SLC35D1: variants seen among roughly 807,000 people sequenced by gnomAD.
SLC35D1 encodes solute carrier family 35 member D1.
Under a neutral mutation model 46.7 loss-of-function variants are expected in SLC35D1, and 31 were observed. That is an observed-to-expected ratio of 0.66 (90% CI 0.50 to 0.90). SLC35D1 has a LOEUF of 0.90. Among genes scored for constraint, SLC35D1 ranks in the 40% least tolerant of loss-of-function variants. SLC35D1 has a pLI of 0.00. For synonymous variants in SLC35D1, 195 were observed against 164.6 expected, an observed-to-expected ratio of 1.18 and a Z score of -1.41; for missense variants, 397 against 426.2, an observed-to-expected ratio of 0.93 and a Z score of 0.60.
Position 67,001,050 on chromosome 1 carries a change from TC to T in SLC35D1, c.*3289del, listed in dbSNP as rs957862319. On this transcript the variant is annotated 3_prime_UTR_variant, in exon 12 of 12. Transcript: ENST00000235345. The stretch of plus-strand genomic sequence containing the variant: ...CATATCTGGCTAAAGAATTACACAC[TC>T]CTTGAAAGCAAGAACCATGTCTTGT... 7.2e-5 allele frequency: 11 copies of T among 152,350 alleles called. No homozygotes were observed. The highest frequency in any genetic ancestry group is 7.2e-4 in the Admixed American group (11 of 15,294). The allele number at this position is 152,350 out of a possible 1,614,324, so 9.4% of individuals were successfully genotyped here.
chr1:67,052,725 T>C, intron 3 of SLC35D1, 46 bp downstream of exon 3: 1 of 1,595,116 alleles, frequency 6.3e-7, no homozygotes, highest in Non-Finnish European at 8.6e-7. Flanking sequence ...TGTTAATACA[T>C]ACTGACTTCA....
intron 8 of SLC35D1, among the ~76,000 whole-genome samples, chr1:67,038,155 G>A (rs1264795399): frequency 3.3e-5 from 5 of 152,098 alleles, no homozygotes; most frequent in African/African-American, 1.2e-4. Flanking sequence ...GAACACCAAG[G>A]CCCAGAAAAC....
the SLC35D1 span, among the ~76,000 whole-genome samples, chr1:66,978,816 T>C: frequency 6.6e-6 from 1 of 152,224 alleles, no homozygotes; most frequent in African/African-American, 2.4e-5. Context: ...TGGTCCTCTG[T>C]GATGTCAAGA....
intron 10 of SLC35D1, among the ~76,000 whole-genome samples, chr1:67,016,973 C>T (rs1477715275): frequency 2.0e-5 from 3 of 152,056 alleles, no homozygotes. Context: ...ACCAAGGGAC[C>T]TCGAGTTATT....
At position 67,042,318 on chromosome 1, in the gene SLC35D1, T is replaced by C. The variant is rs770879366; in HGVS notation, c.647A>G (p.Lys216Arg). The change falls in exon 8 of 12, where the codon AAA becomes AGA. Residue 216 changes from lysine (K) to arginine (R), a missense_variant. By Grantham distance (26) the Lys-to-Arg change is conservative. Coordinates refer to ENST00000235345, the MANE Select transcript of SLC35D1 (RefSeq NM_015139.3). ...KQKLDSKELG[K>R]YGLLYYNALF... Reference sequence around the variant, plus strand: ...TGCATTGTAATAGAGCAGTCCATATTTTCCCAGCTCCTAGGACAGTAAATA... The same window carrying C: ...TGCATTGTAATAGAGCAGTCCATATCTTCCCAGCTCCTAGGACAGTAAATA... The C allele has an allele frequency of 4.3e-6, 7 of 1,614,098 alleles. No homozygotes were observed. Among genetic ancestry groups the C allele is most frequent in the Middle Eastern group, 1.6e-4 (1 of 6,062 alleles).
intron 10 of SLC35D1, among the ~76,000 whole-genome samples, chr1:67,010,309 A>C (rs1570608616): frequency 6.6e-6 from 1 of 152,278 alleles, no homozygotes; most frequent in South Asian, 2.1e-4. Context: ...CACGTAACAA[A>C]CCTGCACATG....
At chr1:67,046,215 T>G (rs1212053339) in intron 7 of SLC35D1, among the ~76,000 whole-genome samples, 1 of 151,920 alleles carries the variant, frequency 6.6e-6, no homozygotes, top group Non-Finnish European at 1.5e-5. Flanking sequence ...GGATAGACAT[T>G]GAATCTACAC....
chr1:66,991,394 T>C, the SLC35D1 span, among the ~76,000 whole-genome samples: 1 of 152,224 alleles, frequency 6.6e-6, no homozygotes, highest in Non-Finnish European at 1.5e-5. Flanking sequence ...AGTTGCCCTC[T>C]GGGTTCCACA....
intron 11 of SLC35D1, among the ~76,000 whole-genome samples, chr1:67,005,564 C>T (rs12071769): frequency 1.8e-3 from 277 of 152,232 alleles, no homozygotes; most frequent in African/African-American, 5.5e-3. Flanking sequence ...CTGCACCTCA[C>T]GGCACTTAAG....
chr1:66,990,652 G>GA, the SLC35D1 span, among the ~76,000 whole-genome samples: 1 of 152,174 alleles, frequency 6.6e-6, no homozygotes, highest in East Asian at 1.9e-4. Flanking sequence ...TAGAACCTTT[G>GA]AAAACAATGA....
the SLC35D1 span, among the ~76,000 whole-genome samples, chr1:66,982,076 A>G: frequency 6.6e-6 from 1 of 152,244 alleles, no homozygotes; most frequent in Non-Finnish European, 1.5e-5. Flanking sequence ...CATATATACT[A>G]ACAGAATACA....
At chr1:66,985,693 T>C in the SLC35D1 span, 1 of 985,164 alleles carries the variant, frequency 1.0e-6, no homozygotes, top group Non-Finnish European at 1.2e-6. Flanking sequence ...ATTGTTATTC[T>C]GAGTCTGTCA....
intron 11 of SLC35D1, among the ~76,000 whole-genome samples, chr1:67,007,839 G>A (rs147395738): frequency 6.6e-6 from 1 of 152,202 alleles, no homozygotes; most frequent in Non-Finnish European, 1.5e-5. Context: ...TTCTAAATCA[G>A]GATCTTCTAC....
chr1:66,993,071 A>G, the SLC35D1 span, among the ~76,000 whole-genome samples: 1 of 152,240 alleles, frequency 6.6e-6, no homozygotes, highest in East Asian at 1.9e-4. Context: ...TGTGTGTTGT[A>G]GAATAGAAAA....
intron 8 of SLC35D1, chr1:67,032,157 T>A (rs1668029141): frequency 1.5e-5 from 14 of 915,482 alleles, no homozygotes; most frequent in Non-Finnish European, 1.8e-5. Context: ...TCCTTCTGTT[T>A]TGAATAAAGT....
downstream of SLC35D1, among the ~76,000 whole-genome samples, chr1:66,997,400 G>GGCTA (rs1667249289): frequency 6.6e-6 from 1 of 150,914 alleles, no homozygotes; most frequent in Non-Finnish European, 1.5e-5. Context: ...CTACTCAGGA[G>GGCTA]GCTAGGGTAG....
At chr1:67,040,930 C>T (rs544378762) in intron 8 of SLC35D1, among the ~76,000 whole-genome samples, 2 of 152,168 alleles carry the variant, frequency 1.3e-5, no homozygotes, top group Admixed American at 1.3e-4. Context: ...TTCTGCTAGT[C>T]GCTAGTCTGC....
chr1:67,007,206 G>A (rs1667468288), intron 11 of SLC35D1, among the ~76,000 whole-genome samples: 1 of 152,150 alleles, frequency 6.6e-6, no homozygotes, highest in South Asian at 2.1e-4. Flanking sequence ...ATAAATGGTG[G>A]CTTATAAACA....
chr1:66,986,151 CTT>C, the SLC35D1 span: 17 of 1,174,394 alleles, frequency 1.4e-5, no homozygotes, highest in East Asian at 4.3e-5. Flanking sequence ...AGTTTGAAAA[CTT>C]TTCAAACTTT....
Sources: allele counts gnomAD v4.1 joint callset (sites outside exome capture counted in the v4.1 genomes callset), GRCh38; gene constraint gnomAD v4.1.1; transcripts MANE v1.5; gene names NCBI Gene and HGNC (gene_info 2026-07-23, HGNC 2026-07-21).